Variants in PLEKHA5 observed in about 807,000 individuals in gnomAD.
The protein encoded by PLEKHA5 is pleckstrin homology domain containing A5.
In PLEKHA5, 55 loss-of-function variants were observed where a neutral mutation model predicts 181.9. The ratio of observed to expected loss-of-function variants is 0.30; its 90% CI spans 0.24 to 0.38. The LOEUF (loss-of-function observed/expected upper bound fraction) is 0.38, where lower values mean the gene tolerates loss of function less well. Among genes scored for constraint, PLEKHA5 ranks in the 10% least tolerant of loss-of-function variants. The pLI is 1.00. For missense variants in PLEKHA5, 1,432 were observed against 1,549.5 expected, an observed-to-expected ratio of 0.92 and a Z score of 1.27; for synonymous variants, 535 against 529.4, an observed-to-expected ratio of 1.01 and a Z score of -0.15.
chr12:19,232,593 G>A (rs917036053), intron 3 of PLEKHA5, among the ~76,000 whole-genome samples: 1 of 152,126 alleles, frequency 6.6e-6, no homozygotes, highest in Non-Finnish European at 1.5e-5. Flanking sequence ...TTTAGAAGTT[G>A]TCACTCTCTG....
chr12:19,255,117 T>C lies in PLEKHA5; in HGVS notation c.384T>C (p.Tyr128=). 1 of 1,609,478 alleles carries C rather than the reference T, an allele frequency of 6.2e-7. No homozygotes were observed. Among genetic ancestry groups the C allele is most frequent in the East Asian group, 2.2e-5 (1 of 44,814 alleles). Residue 128 remains tyrosine (Y), a synonymous_variant, in exon 5 of 32, where the codon TAT becomes TAC. Coordinates refer to ENST00000429027, the MANE Select transcript of PLEKHA5 (RefSeq NM_001256470.2). The part of the protein sequence containing the change: ...PISMINEASN[Y]NVTSDYAVHP... ...GTATGATAAATGAAGCTTCTAACTA[T>C]AACGTGACTTCAGATTATGCAGTGC... is the stretch of plus-strand genomic sequence containing the variant.
At chr12:19,244,468 G>A (rs917795490) in intron 3 of PLEKHA5, among the ~76,000 whole-genome samples, 3 of 152,160 alleles carry the variant, frequency 2.0e-5, no homozygotes, top group African/African-American at 7.2e-5. Flanking sequence ...TAACATTATT[G>A]TGGATGTGTG....
chr12:19,274,234 T>G (rs1592282684), intron 10 of PLEKHA5, among the ~76,000 whole-genome samples: 2 of 152,362 alleles, frequency 1.3e-5, no homozygotes, highest in East Asian at 3.9e-4. Flanking sequence ...AAGGCAATCT[T>G]AATTTGCTTT....
At position 19,369,090 on chromosome 12, in the gene PLEKHA5, A is replaced by G. The variant is rs192267813; in HGVS notation, c.3755-603A>G. ...TGCTCTCTTGCCCAGGCTAGAGTACAGTGGTACAATCTCAGCTCATTGCAG... is the reference window on the plus strand; with the variant it reads ...TGCTCTCTTGCCCAGGCTAGAGTACGGTGGTACAATCTCAGCTCATTGCAG... On this transcript the variant is annotated intron_variant, in intron 30 of 31. Transcript: ENST00000429027. 4.6e-3 allele frequency among the ~76,000 whole-genome samples: 704 copies of G among 152,164 alleles called. 5 individuals are homozygous for G. The highest frequency in any genetic ancestry group is 0.016 in the African/African-American group (678 of 41,516).
intron 3 of PLEKHA5, among the ~76,000 whole-genome samples, chr12:19,160,948 C>T (rs994185905): frequency 5.3e-5 from 8 of 151,852 alleles, no homozygotes; most frequent in African/African-American, 1.9e-4. Flanking sequence ...ATAGTAAAAG[C>T]GTACATGTAT....
At chr12:19,315,866 T>C (rs772457372) in intron 16 of PLEKHA5, among the ~76,000 whole-genome samples, 13 of 152,094 alleles carry the variant, frequency 8.5e-5, no homozygotes, top group African/African-American at 1.4e-4. Flanking sequence ...ATGGATACAA[T>C]TGATCAGAGG....
At chr12:19,180,228 G>A (rs1224606410) in intron 3 of PLEKHA5, among the ~76,000 whole-genome samples, 1 of 152,120 alleles carries the variant, frequency 6.6e-6, no homozygotes, top group Admixed American at 6.6e-5. Flanking sequence ...TCTATAAAGG[G>A]ATTAACAGCT....
At chr12:19,248,317 C>T (rs1237098712) in intron 3 of PLEKHA5, among the ~76,000 whole-genome samples, 3 of 152,172 alleles carry the variant, frequency 2.0e-5, no homozygotes, top group African/African-American at 7.2e-5. Context: ...CATGCCGCAG[C>T]CACCAGAGTA....
chr12:19,200,401 G>T, intron 3 of PLEKHA5: 2 of 1,513,246 alleles, frequency 1.3e-6, no homozygotes, highest in South Asian at 2.5e-5. Context: ...GCAGGCCTAT[G>T]ACTAGCTTCA....
intron 3 of PLEKHA5, among the ~76,000 whole-genome samples, chr12:19,235,908 T>C (rs1218105703): frequency 1.3e-5 from 2 of 152,130 alleles, no homozygotes; most frequent in African/African-American, 4.8e-5. Context: ...AAATATACAT[T>C]GTTACCTCTT....
rs146245262 is a variant in PLEKHA5, at chr12:19,135,062, A to G, written c.227+2612A>G. ...CAATAAAAGACATGTCAGCCCTTTG[A>G]CTATTCCTAATCCTGTGTTCTGGAA... is the stretch of plus-strand genomic sequence containing the variant. On this transcript the variant is annotated intron_variant, in intron 3 of 31. Coordinates refer to ENST00000429027, the MANE Select transcript of PLEKHA5 (RefSeq NM_001256470.2). 4.6e-5 allele frequency among the ~76,000 whole-genome samples: 7 copies of G among 152,280 alleles called. 1 individual carries two copies. The highest frequency in any genetic ancestry group is 1.7e-4 in the African/African-American group (7 of 41,572).
chr12:19,310,362 C>A (rs1297650430), intron 15 of PLEKHA5, among the ~76,000 whole-genome samples: 2 of 152,092 alleles, frequency 1.3e-5, no homozygotes, highest in Admixed American at 6.5e-5. Flanking sequence ...GTAATCCCAG[C>A]ACTTTGGGAG....
At chr12:19,320,136 CAT>C in intron 17 of PLEKHA5, 80 bp downstream of exon 17, 2 of 538,908 alleles carry the variant, frequency 3.7e-6, no homozygotes, top group Non-Finnish European at 6.3e-6. Context: ...TGAGTGTACA[CAT>C]ACACAGTGTG....
At chr12:19,351,081 G>A (rs544779264) in intron 25 of PLEKHA5, among the ~76,000 whole-genome samples, 5 of 150,462 alleles carry the variant, frequency 3.3e-5, no homozygotes, top group East Asian at 2.0e-4. Flanking sequence ...GACTACACAC[G>A]TGTGCCACCA....
At chr12:19,332,096 G>A (rs1423724663) in intron 20 of PLEKHA5, among the ~76,000 whole-genome samples, 1 of 151,924 alleles carries the variant, frequency 6.6e-6, no homozygotes, top group Non-Finnish European at 1.5e-5. Flanking sequence ...ACCAGCCTGA[G>A]CAACATGGTG....
At chr12:19,271,500 T>C (rs1207227666) in intron 10 of PLEKHA5, among the ~76,000 whole-genome samples, 1 of 151,626 alleles carries the variant, frequency 6.6e-6, no homozygotes, top group Non-Finnish European at 1.5e-5. Flanking sequence ...TGAGACCCTG[T>C]CAAAAAAAAA....
chr12:19,192,572 A>T (rs1283711888), intron 3 of PLEKHA5, among the ~76,000 whole-genome samples: 1 of 152,110 alleles, frequency 6.6e-6, no homozygotes, highest in Non-Finnish European at 1.5e-5. Flanking sequence ...GCGTGGTGGC[A>T]TTCGCCTCTA....
intron 15 of PLEKHA5, 148 bp from the exon 16 acceptor site, chr12:19,314,666 A>G (rs2087882275): frequency 1.5e-6 from 1 of 663,392 alleles, no homozygotes. Context: ...GTTTATATGA[A>G]TTAAATCTGT....
intron 3 of PLEKHA5, chr12:19,200,690 A>AT: frequency 2.0e-6 from 2 of 1,014,924 alleles, no homozygotes; most frequent in Non-Finnish European, 2.4e-6. Context: ...CTTGCTTGCT[A>AT]TTTCTGCTTT....
Sources: allele counts gnomAD v4.1 joint callset (sites outside exome capture counted in the v4.1 genomes callset), GRCh38; gene constraint gnomAD v4.1.1; transcripts MANE v1.5; gene names NCBI Gene and HGNC (gene_info 2026-07-23, HGNC 2026-07-21).